The following TPM3 variants were observed in gnomAD, a reference collection of about 807,000 sequenced individuals.
TPM3 encodes tropomyosin alpha-3 chain.
In TPM3, 16 loss-of-function variants were observed where a neutral mutation model predicts 43.1. The observed-to-expected ratio is 0.37, with a 90% CI of 0.25 to 0.56. The LOEUF is 0.56. Among genes scored for constraint, TPM3 ranks in the 20% least tolerant of loss-of-function variants. The pLI is 0.77. For missense variants in TPM3, 176 were observed against 337.2 expected, an observed-to-expected ratio of 0.52 and a Z score of 3.74; for synonymous variants, 101 against 116.9, an observed-to-expected ratio of 0.86 and a Z score of 0.88.
At position 154,185,886 on chromosome 1, in the gene TPM3, T is replaced by C. The variant is rs147537316; in HGVS notation, c.243+5300A>G. ...TGATAAATTTTTCTTCTGGGACAGCTCTCTTTTCTCCTAGAAAATTAGGAT... is the reference window on the plus strand; with the variant it reads ...TGATAAATTTTTCTTCTGGGACAGCCCTCTTTTCTCCTAGAAAATTAGGAT... On this transcript the variant is annotated intron_variant, in intron 2 of 9. Transcript: ENST00000651641. 7.9e-5 allele frequency among the ~76,000 whole-genome samples: 12 copies of C among 151,542 alleles called. No individual in the cohort carries two copies. In the East Asian group the frequency reaches 2.1e-3, roughly 27 times the overall value.
At position 154,177,016 on chromosome 1, in the gene TPM3, C is replaced by T. The variant is rs536138296; in HGVS notation, c.244-768G>A. Among the ~76,000 whole-genome samples, 3 of 151,498 alleles carry T rather than the reference C, an allele frequency of 2.0e-5. No individual in the cohort carries two copies. The East Asian group carries it at 5.8e-4, about 29-fold the overall frequency. ...AAAAAAAGAGGGAATCCTGGATTAC[C>T]TATTAATTGCTGCTTAACTCAAACC... On this transcript the variant is annotated intron_variant, in intron 2 of 9. Transcript: ENST00000651641.
chr1:154,177,717 T>C (rs2148264289), intron 2 of TPM3, among the ~76,000 whole-genome samples: 1 of 152,258 alleles, frequency 6.6e-6, no homozygotes, highest in African/African-American at 2.4e-5. Context: ...GGTGCAGCTA[T>C]AGAAACAGCC....
chr1:154,157,675 C>T, downstream of TPM3: 1 of 780,610 alleles, frequency 1.3e-6, no homozygotes, highest in Admixed American at 1.7e-5. Flanking sequence ...TCTGGTCCAG[C>T]ATCCTTTGTG....
At chr1:154,187,607 C>G (rs973049255) in intron 2 of TPM3, among the ~76,000 whole-genome samples, 13 of 151,564 alleles carry the variant, frequency 8.6e-5, no homozygotes, top group Admixed American at 2.0e-4. Flanking sequence ...ATGTGTATGT[C>G]TGTACATGTG....
At chr1:154,159,002 C>T (rs1046738167), downstream of TPM3, 8 of 780,600 alleles carry the variant, frequency 1.0e-5, no homozygotes, top group Non-Finnish European at 1.9e-5. Flanking sequence ...TTAGCTTCAG[C>T]TCATTAGAAA....
At position 154,187,840 on chromosome 1, in the gene TPM3, G is replaced by A. The variant is rs140345034; in HGVS notation, c.243+3346C>T. Among the ~76,000 whole-genome samples, 85 of 151,542 alleles carry A rather than the reference G, an allele frequency of 5.6e-4. 4 individuals carry two copies. Among genetic ancestry groups the A allele is most frequent in the African/African-American group, 2.0e-3 (83 of 40,878 alleles). On this transcript the variant is annotated intron_variant, in intron 2 of 9. Transcript: ENST00000651641. ...ATGTTACCCAATTTCTCACAAAACT[G>A]TTATTAACCTGACATTGTGCTAGTT...
In TPM3 at chr1:154,176,652, G is replaced by GAAAAAA. The variant is rs376095488; in HGVS notation, c.244-405_244-404insTTTTTT. 1.2e-4 allele frequency among the ~76,000 whole-genome samples: 14 copies of GAAAAAA among 119,386 alleles called. 1 individual carries two copies. Among genetic ancestry groups the GAAAAAA allele is most frequent in the Non-Finnish European group, 1.9e-4 (11 of 57,892 alleles). The allele number at this position is 119,386 out of a possible 152,430, so 78.3% of individuals were successfully genotyped here. ...AACCTTTCAAGTGTCTCATAAAGCA[G>GAAAAAA]GAAAAAAAAAAAAAAAAAAGCAAGG... On this transcript the variant is annotated intron_variant, in intron 2 of 9. Transcript: ENST00000651641.
chr1:154,191,789 C>T, intron 1 of TPM3, 113 bp downstream of exon 1: 2 of 1,576,486 alleles, frequency 1.3e-6, no homozygotes, highest in African/African-American at 2.7e-5. Context: ...GGGAGTCCAT[C>T]CCACCCCCAA....
intron 5 of TPM3, chr1:154,171,918 G>A (rs897282761): frequency 1.8e-5 from 20 of 1,084,938 alleles, no homozygotes; most frequent in Admixed American, 5.1e-5. Context: ...ATGAAGAGAT[G>A]AGACAGCACT....
At chr1:154,183,345 G>C in intron 2 of TPM3, 1 of 1,432,332 alleles carries the variant, frequency 7.0e-7, no homozygotes, top group Non-Finnish European at 9.2e-7. Context: ...AGTCGCCCTG[G>C]AGTACGGCTC....
At chr1:154,180,888 G>A (rs1662868060) in intron 2 of TPM3, among the ~76,000 whole-genome samples, 1 of 151,976 alleles carries the variant, frequency 6.6e-6, no homozygotes, top group African/African-American at 2.4e-5. Flanking sequence ...TCGTGCAACT[G>A]CATTCCAGGC....
chr1:154,166,687 T>TC lies in TPM3; in HGVS notation c.*1249dup, dbSNP rs1661012555. On this transcript the variant is annotated 3_prime_UTR_variant, in exon 10 of 10. Transcript: ENST00000651641. ...CTGCTGTGTAAATTGGAATGCGAAT[T>TC]CCTTTTTTTTTTTTGAGATGGAGTC... 1.0e-6 allele frequency: 1 copy of TC among 974,062 alleles called. No individual in the cohort carries two copies. The highest frequency in any genetic ancestry group is 8.2e-5 in the East Asian group (1 of 12,154). 60.3% of individuals were successfully genotyped at this position (974,062 alleles called of 1,614,324 possible).
At chr1:154,174,303 C>T (rs1308382450) in intron 3 of TPM3, among the ~76,000 whole-genome samples, 2 of 145,616 alleles carry the variant, frequency 1.4e-5, no homozygotes, top group East Asian at 4.0e-4. Flanking sequence ...CCACTGCACT[C>T]CAGCCTAGGG....
intron 2 of TPM3, among the ~76,000 whole-genome samples, chr1:154,184,886 C>G (rs1571446825): frequency 6.6e-6 from 1 of 152,008 alleles, no homozygotes; most frequent in East Asian, 1.9e-4. Flanking sequence ...TGCCTCCAGT[C>G]TGGGTGACAG....
At position 154,167,345 on chromosome 1, in the gene TPM3, C is replaced by T; in HGVS notation, c.*592G>A. 2.8e-6 allele frequency: 3 copies of T among 1,057,380 alleles called. No individual in the cohort carries two copies. In the African/African-American group the frequency reaches 4.9e-5, roughly 17 times the overall value. The allele number at this position is 1,057,380 out of a possible 1,614,324, so 65.5% of individuals were successfully genotyped here. On this transcript the variant is annotated 3_prime_UTR_variant, in exon 10 of 10. Transcript: ENST00000651641. The stretch of plus-strand genomic sequence containing the variant: ...TTCACTGGGTGTTCTGAGGATGCAC[C>T]ATTTGAACCACCGGTAAAAGGGTAC...
intron 2 of TPM3, 78 bp from the exon 3 acceptor site, chr1:154,176,326 G>C: frequency 6.2e-7 from 1 of 1,604,604 alleles, no homozygotes; most frequent in Non-Finnish European, 8.5e-7. Context: ...TTAAGATCAG[G>C]GTTGACTACC....
intron 2 of TPM3, among the ~76,000 whole-genome samples, chr1:154,189,911 A>G (rs1663608204): frequency 6.6e-6 from 1 of 151,758 alleles, no homozygotes; most frequent in Non-Finnish European, 1.5e-5. Flanking sequence ...CTGTCCTTCT[A>G]GCTATTTTCC....
chr1:154,168,299 C>T (rs866759588), intron 9 of TPM3, among the ~76,000 whole-genome samples: 1 of 152,158 alleles, frequency 6.6e-6, no homozygotes, highest in South Asian at 2.1e-4. Flanking sequence ...ATTAAACACA[C>T]CCAGGAGGCC....
At chr1:154,159,616 TAAAAGAACCCC>T (rs1660144458), downstream of TPM3, among the ~76,000 whole-genome samples, 1 of 111,782 alleles carries the variant, frequency 8.9e-6, no homozygotes, top group African/African-American at 4.0e-5. Context: ...TCTTCTTCTT[TAAAAGAACCCC>T]AAACCTGTTA....
Sources: allele counts gnomAD v4.1 joint callset (sites outside exome capture counted in the v4.1 genomes callset), GRCh38; gene constraint gnomAD v4.1.1; transcripts MANE v1.5; gene names NCBI Gene and HGNC (gene_info 2026-07-23, HGNC 2026-07-21).